The following RYR3 variants were observed in gnomAD, a reference collection of about 807,000 sequenced individuals.
RYR3 encodes the protein brain ryanodine receptor-calcium release channel.
A neutral mutation model predicts 584.3 loss-of-function variants in RYR3; 207 were observed. The observed-to-expected ratio is 0.35, with a 90% CI of 0.32 to 0.40. The LOEUF (loss-of-function observed/expected upper bound fraction) is 0.40, where lower values mean the gene tolerates loss of function less well. RYR3 is among the 10% of genes least tolerant of loss of function. The probability of loss-of-function intolerance (pLI) is 1.00; values close to 1 mark genes in which losing one functional copy is unlikely to be tolerated. For missense variants in RYR3, 5,616 were observed against 6,089.2 expected, an observed-to-expected ratio of 0.92 and a Z score of 2.59; for synonymous variants, 2,416 against 2,248.5, an observed-to-expected ratio of 1.07 and a Z score of -2.11.
intron 1 of RYR3, among the ~76,000 whole-genome samples, chr15:33,360,359 C>T (rs1435791702): frequency 6.6e-6 from 1 of 152,048 alleles, no homozygotes; most frequent in Non-Finnish European, 1.5e-5. Context: ...ATTTTGTGTA[C>T]ATGGAATCCT....
At chr15:33,490,304 GC>G (rs1041187679) in intron 2 of RYR3, among the ~76,000 whole-genome samples, 6 of 152,166 alleles carry the variant, frequency 3.9e-5, no homozygotes, top group African/African-American at 1.4e-4. Flanking sequence ...CTGCCTTTGG[GC>G]CACTGAGCAG....
chr15:33,521,188 G>A (rs1261519455), intron 3 of RYR3, among the ~76,000 whole-genome samples: 1 of 152,050 alleles, frequency 6.6e-6, no homozygotes, highest in East Asian at 1.9e-4. Flanking sequence ...GAGCCATCTC[G>A]CAGATTATAC....
chr15:33,498,605 G>T (rs1395598713), intron 2 of RYR3, among the ~76,000 whole-genome samples: 2 of 152,090 alleles, frequency 1.3e-5, no homozygotes, highest in African/African-American at 4.8e-5. Flanking sequence ...TGGATGAATA[G>T]TTTGCAAATA....
intron 43 of RYR3, among the ~76,000 whole-genome samples, chr15:33,711,538 C>T (rs8029002): frequency 0.08 from 12,187 of 152,200 alleles, 1,042 homozygotes; most frequent in African/African-American, 0.22. Flanking sequence ...CCACCGCACC[C>T]GGCTACCAGG....
At chr15:33,337,934 A>T (rs981085435) in intron 1 of RYR3, among the ~76,000 whole-genome samples, 19 of 113,604 alleles carry the variant, frequency 1.7e-4, no homozygotes, top group African/African-American at 2.9e-4. Flanking sequence ...ATTTTAGGAG[A>T]TTTTTTTTTT....
intron 58 of RYR3, among the ~76,000 whole-genome samples, chr15:33,756,065 C>T (rs535572318): frequency 8.5e-5 from 13 of 152,238 alleles, no homozygotes; most frequent in Admixed American, 1.3e-4. Context: ...TTAGCCATCG[C>T]GCCCAGCCTT....
intron 67 of RYR3, among the ~76,000 whole-genome samples, chr15:33,794,617 G>A (rs1032276499): frequency 6.6e-6 from 1 of 152,090 alleles, no homozygotes; most frequent in Admixed American, 6.6e-5. Flanking sequence ...CTTATGCGGT[G>A]TTTGACAGTT....
chr15:33,449,579 T>C (rs192824103), intron 1 of RYR3, among the ~76,000 whole-genome samples: 1 of 152,300 alleles, frequency 6.6e-6, no homozygotes, highest in East Asian at 1.9e-4. Flanking sequence ...ATTATAGAAA[T>C]ACATTTGTTT....
At chr15:33,598,506 C>T (rs1360856580) in intron 16 of RYR3, among the ~76,000 whole-genome samples, 1 of 151,926 alleles carries the variant, frequency 6.6e-6, no homozygotes, top group Non-Finnish European at 1.5e-5. Context: ...GAAATTAATA[C>T]CAGCTGGTTG....
rs1212042778 is a variant in RYR3, at chr15:33,774,211, C to T, written c.9137+596C>T. ...AGCAGAGACCCTCGGTGACCCCTTG[C>T]TTTTCAGCATCAAATGCCTTGTGTT... On this transcript the variant is annotated intron_variant, in intron 64 of 103. Coordinates refer to ENST00000634891, the MANE Select transcript of RYR3 (RefSeq NM_001036.6). Among the ~76,000 whole-genome samples the T allele has an allele frequency of 3.9e-5, 6 of 152,316 alleles. No homozygotes were observed. In the East Asian group the frequency reaches 1.2e-3, roughly 29 times the overall value.
At chr15:33,832,124 T>G (rs1435989696) in intron 86 of RYR3, among the ~76,000 whole-genome samples, 1 of 151,706 alleles carries the variant, frequency 6.6e-6, no homozygotes, top group Non-Finnish European at 1.5e-5. Context: ...TGCAATCTCG[T>G]CTCTACTAAA....
intron 3 of RYR3, among the ~76,000 whole-genome samples, chr15:33,523,524 C>A (rs891743819): frequency 1.3e-5 from 2 of 152,092 alleles, no homozygotes; most frequent in African/African-American, 4.8e-5. Flanking sequence ...ACCAAGAACC[C>A]ACCAGAAGGA....
chr15:33,724,008 G>A (rs573469102), intron 44 of RYR3, 57 bp from the exon 45 acceptor site: 19 of 906,138 alleles, frequency 2.1e-5, no homozygotes, highest in Admixed American at 9.5e-5. Context: ...CTTATGTCTC[G>A]CAGCATGGCA....
intron 64 of RYR3, among the ~76,000 whole-genome samples, chr15:33,779,903 C>T (rs945837489): frequency 2.0e-5 from 3 of 151,932 alleles, no homozygotes; most frequent in Non-Finnish European, 2.9e-5. Context: ...GCCAGCTACT[C>T]GGGAGGCTGA....
At chr15:33,578,745 A>G (rs1304126895) in intron 12 of RYR3, among the ~76,000 whole-genome samples, 1 of 147,926 alleles carries the variant, frequency 6.8e-6, no homozygotes, top group African/African-American at 2.5e-5. Flanking sequence ...CATCCTGCAC[A>G]TGTATCCCAG....
At chr15:33,596,851 T>C (rs2059402539) in intron 16 of RYR3, among the ~76,000 whole-genome samples, 1 of 152,180 alleles carries the variant, frequency 6.6e-6, no homozygotes, top group African/African-American at 2.4e-5. Flanking sequence ...AACAAATCTG[T>C]CCCTATCCTT....
chr15:33,568,405 A>G (rs1282045724), intron 12 of RYR3, among the ~76,000 whole-genome samples: 1 of 152,188 alleles, frequency 6.6e-6, no homozygotes, highest in Non-Finnish European at 1.5e-5. Flanking sequence ...AAACATCTTT[A>G]TTGAGGTAGA....
At chr15:33,570,982 C>T (rs780770719) in intron 12 of RYR3, among the ~76,000 whole-genome samples, 2 of 152,082 alleles carry the variant, frequency 1.3e-5, no homozygotes, top group Non-Finnish European at 2.9e-5. Context: ...TTCTTTAGAA[C>T]TTTTTACATA....
intron 46 of RYR3, among the ~76,000 whole-genome samples, chr15:33,728,212 T>A (rs1440919547): frequency 6.6e-6 from 1 of 152,202 alleles, no homozygotes; most frequent in Non-Finnish European, 1.5e-5. Flanking sequence ...TTTCTCACCA[T>A]GGCCAATTTC....
Sources: allele counts gnomAD v4.1 joint callset (sites outside exome capture counted in the v4.1 genomes callset), GRCh38; gene constraint gnomAD v4.1.1; transcripts MANE v1.5; gene names NCBI Gene and HGNC (gene_info 2026-07-23, HGNC 2026-07-21).